Variants in NF2 observed in about 807,000 individuals in gnomAD.
NF2 encodes the protein NF2, moesin-ezrin-radixin like (MERLIN) tumor suppressor.
A neutral mutation model predicts 83.7 loss-of-function variants in NF2; 8 were observed. That is an observed-to-expected ratio of 0.10 (90% CI 0.06 to 0.17). The LOEUF is 0.17. NF2 is among the 10% of genes least tolerant of loss of function. NF2 has a pLI of 1.00. For missense variants in NF2, 533 were observed against 744.4 expected, an observed-to-expected ratio of 0.72 and a Z score of 3.31; for synonymous variants, 266 against 269.6, an observed-to-expected ratio of 0.99 and a Z score of 0.13.
Position 29,665,044 on chromosome 22 carries a change from A to G in NF2, c.865A>G (p.Lys289Glu). 6.2e-7 allele frequency: 1 copy of G among 1,613,608 alleles called. No individual in the cohort carries two copies. The highest frequency in any genetic ancestry group is 8.5e-7 in the Non-Finnish European group (1 of 1,179,548). Residue 289 changes from lysine (K) to glutamate (E), a missense_variant, in exon 9 of 16, where the codon AAG (lysine) becomes GAG (glutamate). Coordinates refer to ENST00000338641, the MANE Select transcript of NF2 (RefSeq NM_000268.4). ...KIDVFKFNSS[K>E]LRVNKLILQL... ...TGATGTCTTCAAGTTTAACTCCTCA[A>G]AGCTTCGTGTTAATAAGCTGGTAAG...
chr22:29,654,701 C>T lies in NF2; in HGVS notation c.492C>T (p.Ala164=), dbSNP rs1307586355. 10 of 1,613,802 alleles carry T rather than the reference C, an allele frequency of 6.2e-6. No individual in the cohort carries two copies. Among genetic ancestry groups the T allele is most frequent in the Non-Finnish European group, 8.5e-6 (10 of 1,179,832 alleles). Residue 164 remains alanine (A), a synonymous_variant, in exon 5 of 16, where the codon GCC becomes GCT. Transcript: ENST00000338641. ...GTGTTCACAAGCGGGGATTTTTGGCCCAAGAGGAATTGCTTCCAAAAAGGG... is the reference window on the plus strand; with the variant it reads ...GTGTTCACAAGCGGGGATTTTTGGCTCAAGAGGAATTGCTTCCAAAAAGGG... ...DPSVHKRGFL[A]QEELLPKRVI...
At chr22:29,688,095 G>A (rs1375107976) in intron 15 of NF2, among the ~76,000 whole-genome samples, 1 of 152,226 alleles carries the variant, frequency 6.6e-6, no homozygotes, top group Non-Finnish European at 1.5e-5. Context: ...CTAGATAGAA[G>A]ACTGTATCGG....
intron 1 of NF2, among the ~76,000 whole-genome samples, chr22:29,624,798 CCT>C (rs530467950): frequency 2.7e-4 from 39 of 141,956 alleles, no homozygotes; most frequent in African/African-American, 9.8e-4. Context: ...GTTGAAGGGT[CCT>C]CTTTCTTTCT....
intron 14 of NF2, among the ~76,000 whole-genome samples, chr22:29,679,229 A>C (rs577568930): frequency 2.0e-5 from 3 of 151,612 alleles, no homozygotes; most frequent in African/African-American, 7.2e-5. Context: ...CTGACTCTGC[A>C]GCCCATGTGC....
intron 3 of NF2, among the ~76,000 whole-genome samples, chr22:29,640,812 AATTT>A (rs1403203090): frequency 2.0e-5 from 3 of 151,726 alleles, no homozygotes; most frequent in African/African-American, 7.3e-5. Context: ...AGAGGTGACA[AATTT>A]ATTTCTGATG....
chr22:29,674,250 G>C (rs1438640880), intron 12 of NF2, among the ~76,000 whole-genome samples: 2 of 152,202 alleles, frequency 1.3e-5, no homozygotes, highest in East Asian at 3.9e-4. Context: ...GTCACTCCCT[G>C]TGCATGATGC....
Position 29,695,049 on chromosome 22 carries a change from G to A in NF2, c.*247G>A, listed in dbSNP as rs2067510237. ...TGAGTCTTTGTTTTAAGAAGTATTT[G>A]TCTTCCTTTGTCTAATGTGGGATTC... On this transcript the variant is annotated 3_prime_UTR_variant, in exon 16 of 16. Coordinates refer to ENST00000338641, the MANE Select transcript of NF2 (RefSeq NM_000268.4). The surrounding 1 kb of genome is among the most constrained non-coding windows in gnomAD (Gnocchi z 5.4). 1 of 589,806 alleles carries A rather than the reference G, an allele frequency of 1.7e-6. No individual in the cohort carries two copies. Among genetic ancestry groups the A allele is most frequent in the Non-Finnish European group, 3.0e-6 (1 of 330,546 alleles). The allele number at this position is 589,806 out of a possible 1,614,324, so 36.5% of individuals were successfully genotyped here.
chr22:29,628,981 G>A (rs1291102667), intron 1 of NF2, among the ~76,000 whole-genome samples: 1 of 152,052 alleles, frequency 6.6e-6, no homozygotes, highest in East Asian at 1.9e-4. Context: ...GTGGGGTTCA[G>A]GATTGGTACA....
At chr22:29,693,874 A>G (rs2067473138) in intron 15 of NF2, among the ~76,000 whole-genome samples, 1 of 152,184 alleles carries the variant, frequency 6.6e-6, no homozygotes, top group African/African-American at 2.4e-5. Flanking sequence ...GGAGCTGGAA[A>G]TGGAACACAG....
intron 15 of NF2, among the ~76,000 whole-genome samples, chr22:29,688,820 T>G (rs1488112997): frequency 6.6e-6 from 1 of 152,334 alleles, no homozygotes; most frequent in Non-Finnish European, 1.5e-5. Flanking sequence ...AGTGTGTGGA[T>G]AGTGCTCCCA....
In NF2 at chr22:29,671,823, C is replaced by T. The variant is rs2147070745; in HGVS notation, c.1000-3C>T. The T allele has an allele frequency of 6.2e-7, 1 of 1,613,972 alleles. No individual in the cohort carries two copies. On this transcript the variant is annotated splice_polypyrimidine_tract_variant and splice_region_variant and intron_variant, in intron 10 of 15. Coordinates refer to ENST00000338641, the MANE Select transcript of NF2 (RefSeq NM_000268.4). ...AATGACTGTTTTTCTTCACCCCTCGCAGATGGAGCGGCAGCGCCTCGCTCG... is the reference window on the plus strand; with the variant it reads ...AATGACTGTTTTTCTTCACCCCTCGTAGATGGAGCGGCAGCGCCTCGCTCG...
chr22:29,628,890 C>T (rs1371711870), intron 1 of NF2, among the ~76,000 whole-genome samples: 1 of 152,086 alleles, frequency 6.6e-6, no homozygotes, highest in East Asian at 1.9e-4. Flanking sequence ...CTCGGCCTCC[C>T]AAAGTGCTGG....
intron 15 of NF2, among the ~76,000 whole-genome samples, chr22:29,690,475 C>T (rs2067375324): frequency 6.6e-6 from 1 of 151,994 alleles, no homozygotes; most frequent in South Asian, 2.1e-4. Context: ...GACAAGTGGG[C>T]AGGGGAAAAG....
intron 14 of NF2, among the ~76,000 whole-genome samples, chr22:29,680,850 CT>C (rs1321841225): frequency 2.5e-5 from 3 of 118,730 alleles, no homozygotes; most frequent in Non-Finnish European, 1.9e-5. Flanking sequence ...TAGCAAGATC[CT>C]ATAAAAAAAA....
chr22:29,678,833 A>G (rs2067045087), intron 14 of NF2, among the ~76,000 whole-genome samples: 1 of 152,238 alleles, frequency 6.6e-6, no homozygotes, highest in South Asian at 2.1e-4. Flanking sequence ...GGGCCCCAGC[A>G]TGGCCTGATC....
chr22:29,648,995 G>A (rs2066063744), intron 4 of NF2, among the ~76,000 whole-genome samples: 1 of 152,098 alleles, frequency 6.6e-6, no homozygotes, highest in African/African-American at 2.4e-5. Context: ...TTTTCTTTCT[G>A]TTGTTTTTCT....
intron 4 of NF2, among the ~76,000 whole-genome samples, chr22:29,653,008 C>T (rs186569850): frequency 6.6e-6 from 1 of 152,306 alleles, no homozygotes; most frequent in Non-Finnish European, 1.5e-5. Flanking sequence ...GTAGCCTTAA[C>T]CCGTGGGCTC....
intron 1 of NF2, among the ~76,000 whole-genome samples, chr22:29,631,020 T>C (rs2065495701): frequency 6.6e-6 from 1 of 152,166 alleles, no homozygotes; most frequent in African/African-American, 2.4e-5. Flanking sequence ...GCCCCACAGG[T>C]ATTGTTGCAG....
At chr22:29,655,251 G>C (rs1273684096) in intron 5 of NF2, among the ~76,000 whole-genome samples, 1 of 152,086 alleles carries the variant, frequency 6.6e-6, no homozygotes, top group Non-Finnish European at 1.5e-5. Context: ...CCTGTCCCTC[G>C]ATGGCTTCTG....
Sources: allele counts gnomAD v4.1 joint callset (sites outside exome capture counted in the v4.1 genomes callset), GRCh38; gene constraint gnomAD v4.1.1; non-coding constraint Gnocchi (gnomAD v3.1); transcripts MANE v1.5; gene names NCBI Gene and HGNC (gene_info 2026-07-23, HGNC 2026-07-21).